The following TP63 variants were observed in gnomAD, a reference collection of about 807,000 sequenced individuals.
The protein encoded by TP63 is tumor protein p63.
Under a neutral mutation model 82.8 loss-of-function variants are expected in TP63, and 17 were observed. The observed-to-expected ratio is 0.21, with a 90% CI of 0.14 to 0.31. The LOEUF is 0.31. Among genes scored for constraint, TP63 ranks in the 10% least tolerant of loss-of-function variants. The pLI is 1.00. For missense variants in TP63, 648 were observed against 895.3 expected (o/e 0.72, Z 3.52); for synonymous variants, 330 against 321.7 (o/e 1.03, Z -0.28).
chr3:189,599,766 T>C, the TP63 span, among the ~76,000 whole-genome samples: 1 of 152,204 alleles, frequency 6.6e-6, no homozygotes, highest in Non-Finnish European at 1.5e-5. Flanking sequence ...CTCATATCAG[T>C]TTCTTTGACA....
At chr3:189,612,459 C>T in the TP63 span, among the ~76,000 whole-genome samples, 1 of 152,182 alleles carries the variant, frequency 6.6e-6, no homozygotes, top group Admixed American at 6.5e-5. Flanking sequence ...GAGGCCTTCC[C>T]AGCCATGTGG....
At chr3:189,813,540 C>T (rs1321776820) in intron 4 of TP63, among the ~76,000 whole-genome samples, 1 of 151,696 alleles carries the variant, frequency 6.6e-6, no homozygotes, top group Non-Finnish European at 1.5e-5. Flanking sequence ...TATTTTTCAC[C>T]GCTCATGACA....
intron 4 of TP63, among the ~76,000 whole-genome samples, chr3:189,839,806 T>C (rs1199080635): frequency 6.6e-6 from 1 of 152,156 alleles, no homozygotes; most frequent in African/African-American, 2.4e-5. Context: ...TGGGCAGTAG[T>C]ATTATCTCAG....
At chr3:189,724,108 A>C (rs1038015926) in intron 1 of TP63, among the ~76,000 whole-genome samples, 2 of 150,388 alleles carry the variant, frequency 1.3e-5, no homozygotes, top group Non-Finnish European at 2.9e-5. Context: ...CTTAGGAGTT[A>C]TCCAACCTAT....
At chr3:189,697,567 C>G (rs1391870462) in intron 1 of TP63, among the ~76,000 whole-genome samples, 2 of 151,450 alleles carry the variant, frequency 1.3e-5, no homozygotes, top group East Asian at 3.9e-4. Flanking sequence ...GTGAGTTTGC[C>G]AATATCTCAA....
intron 1 of TP63, among the ~76,000 whole-genome samples, chr3:189,702,778 A>G (rs1040142831): frequency 1.3e-5 from 2 of 152,260 alleles, no homozygotes; most frequent in African/African-American, 4.8e-5. Context: ...AGGAAACATA[A>G]ACTTCTTTCA....
intron 10 of TP63, among the ~76,000 whole-genome samples, chr3:189,879,083 A>G (rs1719613731): frequency 6.6e-6 from 1 of 152,238 alleles, no homozygotes; most frequent in Non-Finnish European, 1.5e-5. Flanking sequence ...AATCAGGCTC[A>G]GTCCTAGGTC....
intron 3 of TP63, among the ~76,000 whole-genome samples, chr3:189,779,059 C>T (rs143568934): frequency 8.2e-4 from 125 of 152,166 alleles, no homozygotes; most frequent in African/African-American, 2.8e-3. Flanking sequence ...GATTTAAATA[C>T]AACACTCATA....
the TP63 span, among the ~76,000 whole-genome samples, chr3:189,609,967 A>T: frequency 1.3e-5 from 2 of 152,154 alleles, no homozygotes; most frequent in Admixed American, 1.3e-4. Context: ...ACTGCTTTCC[A>T]TGACAGTTGA....
chr3:189,693,057 C>A (rs1025740479), intron 1 of TP63, among the ~76,000 whole-genome samples: 1 of 152,168 alleles, frequency 6.6e-6, no homozygotes, highest in East Asian at 1.9e-4. Flanking sequence ...AGGAGAATAA[C>A]TATGTTACAG....
At chr3:189,881,393 G>A (rs967306112) in intron 10 of TP63, 1 of 985,302 alleles carries the variant, frequency 1.0e-6, no homozygotes, top group Non-Finnish European at 1.2e-6. Context: ...CCAGTCACCA[G>A]CACTGTATTT....
intron 1 of TP63, among the ~76,000 whole-genome samples, chr3:189,718,767 G>T (rs905106523): frequency 1.3e-5 from 2 of 151,970 alleles, no homozygotes; most frequent in South Asian, 2.1e-4. Flanking sequence ...TTTCCTTGGG[G>T]GTAGAGAACC....
chr3:189,631,605 T>G, intron 1 of TP63, 28 bp downstream of exon 1: 3 of 1,612,464 alleles, frequency 1.9e-6, no homozygotes, highest in Non-Finnish European at 2.5e-6. Context: ...ATAACTTCTC[T>G]CAAAACTTAA....
chr3:189,599,040 A>G, the TP63 span, among the ~76,000 whole-genome samples: 2 of 152,326 alleles, frequency 1.3e-5, no homozygotes, highest in South Asian at 2.1e-4. Context: ...ATAATGTCCA[A>G]GCTCACTTCA....
intron 1 of TP63, among the ~76,000 whole-genome samples, chr3:189,645,886 C>T (rs1302858800): frequency 1.4e-5 from 2 of 147,378 alleles, no homozygotes; most frequent in Non-Finnish European, 1.5e-5. Context: ...ACCACATTAT[C>T]CACTATGTTG....
chr3:189,625,372 A>T, the TP63 span, among the ~76,000 whole-genome samples: 1 of 152,150 alleles, frequency 6.6e-6, no homozygotes, highest in East Asian at 1.9e-4. Context: ...TTATCTACAA[A>T]CAACTGGCCT....
intron 3 of TP63, among the ~76,000 whole-genome samples, chr3:189,797,229 T>G (rs1288455469): frequency 1.3e-5 from 2 of 152,084 alleles, no homozygotes; most frequent in African/African-American, 4.8e-5. Flanking sequence ...CGGAAATTTA[T>G]GAAACACTCT....
chr3:189,874,133 T>C (rs1304958885), intron 10 of TP63, among the ~76,000 whole-genome samples: 1 of 152,050 alleles, frequency 6.6e-6, no homozygotes, highest in African/African-American at 2.4e-5. Flanking sequence ...GCAGTGGCAC[T>C]TTCTTGGCTC....
chr3:189,726,623 C>T (rs916605021), intron 1 of TP63, among the ~76,000 whole-genome samples: 1 of 152,112 alleles, frequency 6.6e-6, no homozygotes, highest in African/African-American at 2.4e-5. Flanking sequence ...AATACATGAA[C>T]AGTTACAATA....
Sources: gnomAD v4.1 joint callset for allele counts (sites outside exome capture counted in the v4.1 genomes callset) on GRCh38, gnomAD v4.1.1 for gene constraint, MANE v1.5 for transcripts, NCBI Gene and HGNC (gene_info 2026-07-23, HGNC 2026-07-21) for gene names.